Variants in GRID2 observed in about 807,000 individuals in gnomAD.
GRID2 encodes the protein glutamate receptor ionotropic, delta-2.
Under a neutral mutation model 114.8 loss-of-function variants are expected in GRID2, and 33 were observed. That is an observed-to-expected ratio of 0.29 (90% confidence interval 0.22 to 0.38). GRID2 has a LOEUF of 0.38. GRID2 is among the 10% of genes least tolerant of loss of function. GRID2 has a pLI of 1.00. For synonymous variants in GRID2, 505 were observed against 449.9 expected (o/e 1.12, Z -1.55); for missense variants, 1,184 against 1,257.7 (o/e 0.94, Z 0.89).
chr4:92,724,427 G>T (rs543778453), intron 2 of GRID2, among the ~76,000 whole-genome samples: 1 of 152,172 alleles, frequency 6.6e-6, no homozygotes, highest in African/African-American at 2.4e-5. Context: ...TCTTATTCTA[G>T]GACTGAGTAA....
intron 10 of GRID2, among the ~76,000 whole-genome samples, chr4:93,426,668 G>A (rs1379055530): frequency 4.6e-5 from 7 of 152,024 alleles, no homozygotes; most frequent in Middle Eastern, 3.4e-3. Context: ...TAAGTTTATC[G>A]TATAGCAATC....
At chr4:93,678,044 A>G (rs545406490) in intron 14 of GRID2, among the ~76,000 whole-genome samples, 43 of 152,260 alleles carry the variant, frequency 2.8e-4, no homozygotes, top group African/African-American at 7.5e-4. Flanking sequence ...ATTTAGACGA[A>G]TGGATAACTA....
rs547681194 is a variant in GRID2, at chr4:92,336,263, T to C, written c.88+31519T>C. 1.1e-4 allele frequency among the ~76,000 whole-genome samples: 17 copies of C among 152,322 alleles called. No homozygotes were observed. The East Asian group carries it at 2.3e-3, about 21-fold the overall frequency. ...CCCTTTTTCACTCAAAGCTTCATTA[T>C]GATGTCTGTTTCAGTGACAGGCAAC... is the stretch of plus-strand genomic sequence containing the variant. On this transcript the variant is annotated intron_variant, in intron 1 of 15. Transcript: ENST00000282020.
chr4:92,976,183 G>A (rs1341175220), intron 2 of GRID2, among the ~76,000 whole-genome samples: 1 of 151,866 alleles, frequency 6.6e-6, no homozygotes, highest in Non-Finnish European at 1.5e-5. Flanking sequence ...TAATGATCTG[G>A]TCAAGTAAAA....
chr4:93,677,102 G>A (rs960750993), intron 14 of GRID2, among the ~76,000 whole-genome samples: 3 of 152,224 alleles, frequency 2.0e-5, no homozygotes, highest in African/African-American at 7.2e-5. Context: ...TACGGGCTTA[G>A]GAAATGGCCC....
chr4:93,312,881 GA>G (rs1185939380), intron 8 of GRID2, among the ~76,000 whole-genome samples: 4 of 152,136 alleles, frequency 2.6e-5, no homozygotes, highest in Non-Finnish European at 5.9e-5. Flanking sequence ...GGGAGGCATG[GA>G]AGTTTCATTA....
intron 2 of GRID2, among the ~76,000 whole-genome samples, chr4:92,942,562 C>T (rs965293822): frequency 6.6e-6 from 1 of 152,110 alleles, no homozygotes; most frequent in Non-Finnish European, 1.5e-5. Context: ...GCATTTATCC[C>T]ATTTACATTT....
At chr4:93,178,156 C>T (rs1253332101) in intron 4 of GRID2, among the ~76,000 whole-genome samples, 7 of 151,444 alleles carry the variant, frequency 4.6e-5, no homozygotes, top group South Asian at 2.1e-4. Context: ...TAGATTCTCC[C>T]TTACTAATCA....
intron 2 of GRID2, among the ~76,000 whole-genome samples, chr4:92,666,650 G>GTTTTTTGTTTTTTTTTTTT (rs1286942855): frequency 2.9e-4 from 20 of 68,596 alleles, no homozygotes; most frequent in African/African-American, 9.4e-4. Flanking sequence ...CTTAAGGGTT[G>GTTTTTTGTTTTTTTTTTTT]TTTTTTTTTT....
intron 2 of GRID2, among the ~76,000 whole-genome samples, chr4:92,854,939 A>G (rs1744073250): frequency 6.6e-6 from 1 of 152,064 alleles, no homozygotes; most frequent in Admixed American, 6.6e-5. Flanking sequence ...AGGAAATAAT[A>G]TTTTGTGTTT....
At chr4:93,715,280 A>T (rs969232270) in intron 14 of GRID2, among the ~76,000 whole-genome samples, 1 of 152,044 alleles carries the variant, frequency 6.6e-6, no homozygotes, top group Non-Finnish European at 1.5e-5. Flanking sequence ...ATTTTGTTCC[A>T]TCGGTCTATG....
intron 2 of GRID2, among the ~76,000 whole-genome samples, chr4:92,601,693 T>C (rs1307846965): frequency 6.6e-6 from 1 of 150,984 alleles, no homozygotes; most frequent in East Asian, 2.0e-4. Context: ...AGAGAGGAAC[T>C]GGAGGGAGAG....
intron 8 of GRID2, among the ~76,000 whole-genome samples, chr4:93,328,819 A>G (rs1440576879): frequency 6.6e-6 from 1 of 152,126 alleles, no homozygotes; most frequent in Non-Finnish European, 1.5e-5. Context: ...ATCAGGATAT[A>G]TACAGGATTA....
At chr4:93,545,098 C>T (rs2149533186) in intron 13 of GRID2, among the ~76,000 whole-genome samples, 1 of 152,328 alleles carries the variant, frequency 6.6e-6, no homozygotes, top group Middle Eastern at 3.4e-3. Context: ...TTCTCCTTGT[C>T]AGACCCTGAG....
At chr4:92,511,008 G>C (rs962922974) in intron 1 of GRID2, among the ~76,000 whole-genome samples, 1 of 151,748 alleles carries the variant, frequency 6.6e-6, no homozygotes, top group Non-Finnish European at 1.5e-5. Context: ...CTGAGAGTTT[G>C]GCTTACCATA....
At chr4:93,092,085 TGAA>T (rs1730841254) in intron 3 of GRID2, among the ~76,000 whole-genome samples, 1 of 152,026 alleles carries the variant, frequency 6.6e-6, no homozygotes, top group South Asian at 2.1e-4. Flanking sequence ...CAGGAAAAGG[TGAA>T]GAAGATAAAG....
chr4:93,681,999 C>T (rs1295078184), intron 14 of GRID2, among the ~76,000 whole-genome samples: 1 of 151,310 alleles, frequency 6.6e-6, no homozygotes, highest in Admixed American at 6.6e-5. Flanking sequence ...AGGCAACCTA[C>T]AAAATGGGAG....
At chr4:93,654,132 A>ATTTTCTCTCTCT (rs934763689) in intron 14 of GRID2, among the ~76,000 whole-genome samples, 1 of 151,920 alleles carries the variant, frequency 6.6e-6, no homozygotes, top group African/African-American at 2.4e-5. Context: ...ATCCACGATC[A>ATTTTCTCTCTCT]TTTTCTCTCT....
chr4:93,506,258 G>A (rs1368383673), intron 12 of GRID2, among the ~76,000 whole-genome samples: 2 of 152,114 alleles, frequency 1.3e-5, no homozygotes, highest in African/African-American at 4.8e-5. Flanking sequence ...CGTCGGGACA[G>A]AGTGCAGAAA....
Sources: allele counts gnomAD v4.1 joint callset (sites outside exome capture counted in the v4.1 genomes callset), GRCh38; gene constraint gnomAD v4.1.1; transcripts MANE v1.5; gene names NCBI Gene and HGNC (gene_info 2026-07-23, HGNC 2026-07-21).